The following WDFY3 variants were observed in gnomAD, a reference collection of about 807,000 sequenced individuals.
WDFY3 encodes the protein WD repeat and FYVE domain-containing protein 3.
WDFY3 carries 66 observed loss-of-function variants against 409.6 expected under a neutral mutation model. The ratio of observed to expected loss-of-function variants is 0.16; its 90% CI spans 0.13 to 0.20. The LOEUF (loss-of-function observed/expected upper bound fraction) is 0.20. WDFY3 is among the 10% of genes least tolerant of loss of function. The probability of loss-of-function intolerance (pLI) is 1.00; values close to 1 mark genes in which losing one functional copy is unlikely to be tolerated. For synonymous variants in WDFY3, 1,521 were observed against 1,537.1 expected (o/e 0.99, Z 0.25); for missense variants, 3,031 against 4,298.1 (o/e 0.71, Z 8.24).
Position 84,708,883 on chromosome 4 carries a change from C to T in WDFY3, c.8217+26G>A, listed in dbSNP as rs72947564. ...AAATTATTTTTGAAAATGTGTTCTACGTAAGCAAAATGACTTAAGATTTAC... is the reference window on the plus strand; with the variant it reads ...AAATTATTTTTGAAAATGTGTTCTATGTAAGCAAAATGACTTAAGATTTAC... On this transcript the variant is annotated intron_variant, in intron 53 of 67. Transcript: ENST00000295888. 1.4e-3 allele frequency: 2,191 copies of T among 1,608,342 alleles called. 16 individuals carry two copies. In the African/African-American group the frequency reaches 0.021, roughly 16 times the overall value.
chr4:84,734,412 A>C (rs985518186), intron 43 of WDFY3, among the ~76,000 whole-genome samples: 19 of 152,180 alleles, frequency 1.2e-4, no homozygotes, highest in African/African-American at 4.6e-4. Context: ...AGTAGTACTG[A>C]TATGTTCTTT....
At chr4:84,778,405 G>A in intron 27 of WDFY3, 98 bp downstream of exon 27, 2 of 1,093,078 alleles carry the variant, frequency 1.8e-6, no homozygotes, top group Non-Finnish European at 2.5e-6. Flanking sequence ...AAAATTATAG[G>A]GCTTTAAACA....
At chr4:84,704,286 A>T in intron 55 of WDFY3, 52 bp downstream of exon 55, 2 of 1,290,834 alleles carry the variant, frequency 1.5e-6, no homozygotes, top group Non-Finnish European at 2.2e-6. Flanking sequence ...GTGACATTTT[A>T]GATAGAAGTA....
chr4:84,763,937 T>C lies in WDFY3; in HGVS notation c.5188+1873A>G, dbSNP rs1007647586. On this transcript the variant is annotated intron_variant, in intron 32 of 67. Transcript: ENST00000295888. ...ACAGGACTAACAAAAGACAGATTCT[T>C]AGAGAGTATTACTGCCTAGCGAAAT... is the stretch of plus-strand genomic sequence containing the variant. 3.3e-5 allele frequency among the ~76,000 whole-genome samples: 5 copies of C among 152,306 alleles called. No individual in the cohort carries two copies. The South Asian group carries it at 1.0e-3, about 32-fold the overall frequency.
chr4:84,778,418 T>C, intron 27 of WDFY3, 85 bp downstream of exon 27: 18 of 1,267,656 alleles, frequency 1.4e-5, no homozygotes, highest in Non-Finnish European at 1.7e-5. Flanking sequence ...TTTAAACACA[T>C]TTTAGAGATA....
chr4:84,691,541 G>A, intron 60 of WDFY3, 90 bp downstream of exon 60: 1 of 1,400,722 alleles, frequency 7.1e-7, no homozygotes, highest in Non-Finnish European at 9.7e-7. Flanking sequence ...CAAGCCCTTG[G>A]ACTGGGTTCT....
chr4:84,687,772 A>C (rs780864151), intron 62 of WDFY3: 14 of 194,456 alleles, frequency 7.2e-5, no homozygotes, highest in Non-Finnish European at 1.4e-4. Flanking sequence ...AATGGCTATC[A>C]CAGGCACAGC....
chr4:84,801,512 G>T, intron 17 of WDFY3, 138 bp downstream of exon 17: 1 of 768,132 alleles, frequency 1.3e-6, no homozygotes, highest in Non-Finnish European at 2.0e-6. Context: ...CATATTTTGA[G>T]TATTTTGTCC....
Position 84,678,275 on chromosome 4 carries a change from G to A in WDFY3, c.10152C>T (p.Tyr3384=), listed in dbSNP as rs1438283903. The A allele has an allele frequency of 6.2e-7, 1 of 1,613,016 alleles. No individual in the cohort carries two copies. Among genetic ancestry groups the A allele is most frequent in the African/African-American group, 1.3e-5 (1 of 74,878 alleles). ...TGAACACCAGCTGCCGTTCCCATCG[G>A]TACCCTGGAATGGAGAAGTGGAGGA... ...VRNYSRLKPG[Y]RWERQLVFRS... Residue 3384 remains tyrosine (Y), a synonymous_variant, in exon 66 of 68, where the codon TAC becomes TAT. Coordinates refer to ENST00000295888, the MANE Select transcript of WDFY3 (RefSeq NM_014991.6).
At chr4:84,764,159 C>T (rs1743190620) in intron 32 of WDFY3, among the ~76,000 whole-genome samples, 2 of 152,150 alleles carry the variant, frequency 1.3e-5, no homozygotes, top group Admixed American at 6.5e-5. Flanking sequence ...AAATCTCAGG[C>T]GTTATTACTA....
At chr4:84,702,569 G>T in intron 55 of WDFY3, 63 bp from the exon 56 acceptor site, 1 of 1,405,344 alleles carries the variant, frequency 7.1e-7, no homozygotes. Flanking sequence ...CTTCTGTCAA[G>T]TTCAAGAGCT....
chr4:84,703,226 A>G (rs1578186177), intron 55 of WDFY3, among the ~76,000 whole-genome samples: 1 of 152,340 alleles, frequency 6.6e-6, no homozygotes, highest in African/African-American at 2.4e-5. Flanking sequence ...TAATTTTATA[A>G]ATTAACATGA....
chr4:84,920,059 A>C (rs530506863), intron 2 of WDFY3, among the ~76,000 whole-genome samples: 1 of 152,240 alleles, frequency 6.6e-6, no homozygotes, highest in Non-Finnish European at 1.5e-5. Context: ...ACAAAAAATA[A>C]GAAAACGAAC....
intron 3 of WDFY3, among the ~76,000 whole-genome samples, chr4:84,878,853 A>T (rs1462097803): frequency 2.0e-5 from 3 of 152,178 alleles, no homozygotes; most frequent in Admixed American, 2.0e-4. Flanking sequence ...ATTCACCACT[A>T]ATAACCAAAA....
intron 2 of WDFY3, among the ~76,000 whole-genome samples, chr4:84,921,646 ATTTTTTTTTTTTTTTTT>A (rs747576197): frequency 1.3e-5 from 1 of 78,666 alleles, no homozygotes; most frequent in African/African-American, 5.7e-5. Context: ...TATTGCTTTC[ATTTTTTTTTTTTTTTTT>A]TTTTTTTTTT....
At chr4:84,754,015 C>G (rs1465156566) in intron 34 of WDFY3, 139 bp from the exon 35 acceptor site, 4 of 925,494 alleles carry the variant, frequency 4.3e-6, no homozygotes, top group Admixed American at 3.9e-5. Context: ...CACATATGAG[C>G]AAACACACAT....
At chr4:84,849,794 T>C (rs771417003) in intron 5 of WDFY3, 108 bp downstream of exon 5, 30 of 1,453,656 alleles carry the variant, frequency 2.1e-5, no homozygotes, top group African/African-American at 2.9e-5. Flanking sequence ...GTAAATGAAC[T>C]CAATGTGCTG....
chr4:84,688,344 G>A, intron 61 of WDFY3, 79 bp from the exon 62 acceptor site: 1 of 1,400,932 alleles, frequency 7.1e-7, no homozygotes, highest in Non-Finnish European at 9.7e-7. Context: ...GCTCCTGGAT[G>A]CATCAGGAAG....
In WDFY3 at chr4:84,944,969, A is replaced by G. The variant is rs573398843; in HGVS notation, c.-225-12606T>C. ...TGTGTCATGATCAATGGCCTTGAAAAGATCAAAAGATAAAAAAGAGGGAGA... is the reference window on the plus strand; with the variant it reads ...TGTGTCATGATCAATGGCCTTGAAAGGATCAAAAGATAAAAAAGAGGGAGA... On this transcript the variant is annotated intron_variant, in intron 1 of 67. Coordinates refer to ENST00000295888, the MANE Select transcript of WDFY3 (RefSeq NM_014991.6). Among the ~76,000 whole-genome samples, 171 of 152,262 alleles carry G rather than the reference A, an allele frequency of 1.1e-3. 2 individuals are homozygous for G. The highest frequency in any genetic ancestry group is 3.9e-3 in the African/African-American group (160 of 41,536).
Sources: allele counts gnomAD v4.1 joint callset (sites outside exome capture counted in the v4.1 genomes callset), GRCh38; gene constraint gnomAD v4.1.1; transcripts MANE v1.5; gene names NCBI Gene and HGNC (gene_info 2026-07-23, HGNC 2026-07-21).